The following LIPG variants were observed in gnomAD, a reference collection of about 807,000 sequenced individuals.
The protein encoded by LIPG is lipase G, endothelial type.
Under a neutral mutation model 51.8 loss-of-function variants are expected in LIPG, and 34 were observed. The ratio of observed to expected loss-of-function variants is 0.66; its 90% CI spans 0.50 to 0.87. The LOEUF is 0.87. Among genes scored for constraint, LIPG ranks in the 40% least tolerant of loss-of-function variants. LIPG has a pLI of 0.00. For missense variants in LIPG, 580 were observed against 652.7 expected, an observed-to-expected ratio of 0.89 and a Z score of 1.21; for synonymous variants, 246 against 246.1, an observed-to-expected ratio of 1.00 and a Z score of 0.00.
intron 4 of LIPG, among the ~76,000 whole-genome samples, chr18:49,571,561 G>C (rs2084663903): frequency 6.6e-6 from 1 of 152,206 alleles, no homozygotes; most frequent in African/African-American, 2.4e-5. Flanking sequence ...TCTCTGTAGA[G>C]AAGGGGCCTG....
At chr18:49,583,202 C>T (rs2084842144) in intron 7 of LIPG, among the ~76,000 whole-genome samples, 1 of 152,194 alleles carries the variant, frequency 6.6e-6, no homozygotes, top group Non-Finnish European at 1.5e-5. Flanking sequence ...GGTTCTAAGG[C>T]TGAGCGGAAC....
chr18:49,583,368 C>T (rs1054687828), intron 7 of LIPG, among the ~76,000 whole-genome samples, 188 bp from the exon 8 acceptor site: 3 of 152,056 alleles, frequency 2.0e-5, no homozygotes, highest in Non-Finnish European at 2.9e-5. Context: ...TAGTTTGGCC[C>T]ATATGGAGTA....
At chr18:49,588,407 C>T (rs971096824) in intron 9 of LIPG, among the ~76,000 whole-genome samples, 4 of 151,886 alleles carry the variant, frequency 2.6e-5, no homozygotes, top group African/African-American at 4.8e-5. Context: ...CTCAACCTTC[C>T]GAGTAGCTGG....
chr18:49,586,947 A>C, intron 9 of LIPG, 97 bp downstream of exon 9: 1 of 896,152 alleles, frequency 1.1e-6, no homozygotes. Flanking sequence ...GGGACATAGC[A>C]TGAACAAAAC....
intron 5 of LIPG, among the ~76,000 whole-genome samples, chr18:49,575,860 G>T: frequency 6.8e-6 from 1 of 147,790 alleles, no homozygotes; most frequent in African/African-American, 2.5e-5. Context: ...TTTTTTGAGA[G>T]GGAGTTTTGC....
rs1409338863 is a variant in LIPG, at chr18:49,567,629, G to C, written c.459+8G>C. ...ATGCTCGACTGGCTGCAGGTACTGG[G>C]GGATGAGAGGGAGTCTCCTGTCACC... On this transcript the variant is annotated splice_region_variant and intron_variant, in intron 3 of 9. Transcript: ENST00000261292. 3.1e-6 allele frequency: 5 copies of C among 1,613,412 alleles called. No individual in the cohort carries two copies. Among genetic ancestry groups the C allele is most frequent in the Non-Finnish European group, 3.4e-6 (4 of 1,179,868 alleles).
chr18:49,588,282 CTT>C (rs1231084858), intron 9 of LIPG, among the ~76,000 whole-genome samples: 3,014 of 132,650 alleles, frequency 0.023, 102 homozygotes, highest in African/African-American at 0.08. Flanking sequence ...CTCCCACACA[CTT>C]TTTTTTTTTT....
At chr18:49,586,284 CAGCA>C (rs1292815889) in intron 8 of LIPG, among the ~76,000 whole-genome samples, 1 of 152,186 alleles carries the variant, frequency 6.6e-6, no homozygotes, top group African/African-American at 2.4e-5. Flanking sequence ...CCACAGAAAT[CAGCA>C]AGCAGTTTCA....
intron 3 of LIPG, chr18:49,567,900 G>A: frequency 9.7e-6 from 4 of 410,812 alleles, no homozygotes; most frequent in Non-Finnish European, 1.8e-5. Flanking sequence ...AGAAACAGAT[G>A]CCCTTAGGTT....
intron 5 of LIPG, among the ~76,000 whole-genome samples, chr18:49,577,867 A>C (rs1220267717): frequency 1.1e-5 from 1 of 94,632 alleles, no homozygotes. Context: ...TCTCCCTCCC[A>C]GACGGGGTGG....
intron 3 of LIPG, 132 bp from the exon 4 acceptor site, chr18:49,569,305 G>A (rs41386050): frequency 2.6e-6 from 2 of 780,250 alleles, no homozygotes; most frequent in African/African-American, 1.7e-5. Flanking sequence ...AAGCCAGTGG[G>A]GCCCTGGGGA....
intron 8 of LIPG, among the ~76,000 whole-genome samples, chr18:49,586,059 C>A (rs1034868467): frequency 1.3e-5 from 2 of 152,210 alleles, no homozygotes; most frequent in African/African-American, 4.8e-5. Context: ...CGTGGTCACG[C>A]TAATCACACG....
rs2084988184 is a variant in LIPG, at chr18:49,597,408, TAA to T, written c.*6887_*6888del. ...AGAGAGGTGTCGGTGCCCTCTTTTG[TAA>T]CTGTGGGTTATCTATAGATTGGGGG... On this transcript the variant is annotated 3_prime_UTR_variant, in exon 10 of 10. Transcript: ENST00000261292. 6.6e-6 allele frequency: 1 copy of T among 152,212 alleles called. No individual in the cohort carries two copies. Among genetic ancestry groups the T allele is most frequent in the Admixed American group, 6.5e-5 (1 of 15,280 alleles). 9.4% of individuals were successfully genotyped at this position (152,212 alleles called of 1,614,324 possible).
chr18:49,583,479 G>A, intron 7 of LIPG, 77 bp from the exon 8 acceptor site: 2 of 1,176,820 alleles, frequency 1.7e-6, no homozygotes, highest in Non-Finnish European at 2.5e-6. Context: ...GGTTGTTACT[G>A]CCACTGTGTC....
rs959368057 is a variant in LIPG, at chr18:49,599,144, A to G, written c.*8622A>G. On this transcript the variant is annotated 3_prime_UTR_variant, in exon 10 of 10. Coordinates refer to ENST00000261292, the MANE Select transcript of LIPG (RefSeq NM_006033.4). ...AGGATAGCTGGATCATATGGAATGT[A>G]TATGTTTAACTTTTAAATAAACTGC... The G allele has an allele frequency of 6.6e-6, 1 of 152,226 alleles. No homozygotes were observed. The highest frequency in any genetic ancestry group is 1.9e-4 in the East Asian group (1 of 5,202). The allele number at this position is 152,226 out of a possible 1,614,324, so 9.4% of individuals were successfully genotyped here.
At chr18:49,584,522 C>T (rs1488295606) in intron 8 of LIPG, among the ~76,000 whole-genome samples, 2 of 152,244 alleles carry the variant, frequency 1.3e-5, no homozygotes, top group Admixed American at 6.5e-5. Context: ...CTGACCTCTA[C>T]AGAGGTCACT....
At chr18:49,569,094 C>G (rs1264792636) in intron 3 of LIPG, among the ~76,000 whole-genome samples, 1 of 151,954 alleles carries the variant, frequency 6.6e-6, no homozygotes, top group Non-Finnish European at 1.5e-5. Context: ...CCAGTGAGTA[C>G]GGCAGCTTTG....
At chr18:49,578,267 G>T (rs1416621744) in intron 5 of LIPG, among the ~76,000 whole-genome samples, 1 of 146,618 alleles carries the variant, frequency 6.8e-6, no homozygotes, top group Admixed American at 6.7e-5. Context: ...CTTCTCAGAC[G>T]GGGTGGTTGC....
Position 49,590,546 on chromosome 18 carries a change from G to T in LIPG, c.*24G>T, listed in dbSNP as rs1419263219. ...GAGGGTGCCCGGGCAAGTCTTGCCA[G>T]CAAGGCAGCAAGACTTCCTGCTATC... On this transcript the variant is annotated 3_prime_UTR_variant, in exon 10 of 10. Transcript: ENST00000261292. The T allele has an allele frequency of 3.8e-6, 6 of 1,587,994 alleles. No individual in the cohort carries two copies. The highest frequency in any genetic ancestry group is 8.6e-7 in the Non-Finnish European group (1 of 1,164,708).
Sources: allele counts gnomAD v4.1 joint callset (sites outside exome capture counted in the v4.1 genomes callset), GRCh38; gene constraint gnomAD v4.1.1; transcripts MANE v1.5; gene names NCBI Gene and HGNC (gene_info 2026-07-23, HGNC 2026-07-21).